TCFL5: variants seen among roughly 807,000 people sequenced by gnomAD.
TCFL5 encodes the protein transcription factor-like 5 protein.
TCFL5 carries 9 observed loss-of-function variants against 44.3 expected under a neutral mutation model. The observed-to-expected ratio is 0.20, with a 90% CI of 0.12 to 0.35. The LOEUF is 0.35. Ranked by LOEUF, TCFL5 falls within the 10% of genes least tolerant of loss-of-function variation. TCFL5 has a pLI of 1.00. For synonymous variants in TCFL5, 319 were observed against 271.6 expected, an observed-to-expected ratio of 1.17 and a Z score of -1.72; for missense variants, 603 against 613.4, an observed-to-expected ratio of 0.98 and a Z score of 0.18.
Position 62,857,577 on chromosome 20 carries a change from T to C in TCFL5, c.1056A>G (p.Thr352=). ...RNRSRMRQLD[T]NVERRALGEI... ...CTCCAAGGGCTCTTCGCTCTACATT[T>C]GTGTCCAACTGACGCATTCTACTCC... Residue 352 remains threonine (T), a synonymous_variant, in exon 4 of 6, where the codon ACA becomes ACG. Transcript: ENST00000335351. 1.9e-6 allele frequency: 3 copies of C among 1,614,250 alleles called. No individual in the cohort carries two copies. Among genetic ancestry groups the C allele is most frequent in the Non-Finnish European group, 1.7e-6 (2 of 1,180,044 alleles).
chr20:62,845,657 G>C, intron 5 of TCFL5: 1 of 1,605,612 alleles, frequency 6.2e-7, no homozygotes, highest in South Asian at 1.1e-5. Context: ...AGCAACCCCC[G>C]CTGACCATGG....
intron 5 of TCFL5, among the ~76,000 whole-genome samples, chr20:62,848,122 C>T (rs2063766720): frequency 6.6e-6 from 1 of 152,218 alleles, no homozygotes; most frequent in Non-Finnish European, 1.5e-5. Flanking sequence ...GAGTCTGCAG[C>T]AGGGCCTGAC....
At chr20:62,858,484 T>G (rs955280922) in intron 3 of TCFL5, among the ~76,000 whole-genome samples, 5 of 152,240 alleles carry the variant, frequency 3.3e-5, no homozygotes, top group Admixed American at 2.0e-4. Context: ...GCATAAAATT[T>G]TATAGGGAGG....
At chr20:62,854,959 A>C (rs531694903) in intron 4 of TCFL5, among the ~76,000 whole-genome samples, 5 of 152,300 alleles carry the variant, frequency 3.3e-5, no homozygotes, top group South Asian at 4.1e-4. Flanking sequence ...AACTCTAACC[A>C]CAAGTCTACG....
intron 5 of TCFL5, among the ~76,000 whole-genome samples, chr20:62,853,363 G>T (rs1348257021): frequency 6.6e-6 from 1 of 150,798 alleles, no homozygotes; most frequent in East Asian, 1.9e-4. Context: ...GTGGGTGGGG[G>T]TGGGGCAGGG....
intron 5 of TCFL5, among the ~76,000 whole-genome samples, chr20:62,848,515 A>C (rs4809423): frequency 0.21 from 32,518 of 152,006 alleles, 3,553 homozygotes; most frequent in Non-Finnish European, 0.24. Context: ...CCGAGGCGGG[A>C]GGATCACCTG....
chr20:62,861,184 C>A lies in TCFL5; in HGVS notation c.487G>T (p.Gly163Cys), dbSNP rs950676756. ...RADGAAKEGA[G>C]AAAAAAGPDG... is the part of the protein sequence containing the mutation. ...GGTCCAGCCGCAGCCGCAGCCGCGCCCGCGCCCTCCTTGGCGGCGCCGTCG... is the reference window on the plus strand; with the variant it reads ...GGTCCAGCCGCAGCCGCAGCCGCGCACGCGCCCTCCTTGGCGGCGCCGTCG... Residue 163 changes from glycine to cysteine, a missense_variant, in exon 1 of 6, where the codon GGC becomes TGC. Coordinates refer to ENST00000335351, the MANE Select transcript of TCFL5 (RefSeq NM_006602.4). The surrounding 1 kb of genome is among the most constrained non-coding windows in gnomAD (Gnocchi z 4.0). 6.2e-4 allele frequency: 637 copies of A among 1,033,104 alleles called. No individual in the cohort carries two copies. The highest frequency in any genetic ancestry group is 7.1e-4 in the Non-Finnish European group (619 of 865,990). The allele number at this position is 1,033,104 out of a possible 1,614,324, so 64.0% of individuals were successfully genotyped here.
At chr20:62,846,344 C>T (rs971316134) in intron 5 of TCFL5, among the ~76,000 whole-genome samples, 6 of 152,120 alleles carry the variant, frequency 3.9e-5, no homozygotes, top group Non-Finnish European at 4.4e-5. Context: ...CTTGCAGGGC[C>T]CGCCCACGAC....
intron 5 of TCFL5, among the ~76,000 whole-genome samples, chr20:62,849,735 G>A (rs1286305304): frequency 1.3e-5 from 2 of 152,206 alleles, no homozygotes; most frequent in Admixed American, 6.5e-5. Context: ...GAGGCAGGAG[G>A]ATCACTTGAG....
chr20:62,853,956 G>C (rs1253024927), intron 5 of TCFL5, 60 bp downstream of exon 5: 2 of 1,573,994 alleles, frequency 1.3e-6, no homozygotes, highest in African/African-American at 1.4e-5. Context: ...TAGGAAAAAG[G>C]AGGGACATTG....
intron 2 of TCFL5, 86 bp from the exon 3 acceptor site, chr20:62,859,612 A>AT: frequency 1.6e-6 from 2 of 1,262,138 alleles, no homozygotes; most frequent in Non-Finnish European, 2.2e-6. Flanking sequence ...CTTAACAAAC[A>AT]TCAAAACTAC....
intron 5 of TCFL5, among the ~76,000 whole-genome samples, chr20:62,843,751 C>G (rs566739199): frequency 1.3e-5 from 2 of 152,336 alleles, no homozygotes; most frequent in Non-Finnish European, 2.9e-5. Context: ...AACTCCACAC[C>G]GCTCCGGCCC....
At chr20:62,844,253 TTTTTGA>T (rs890351261) in intron 5 of TCFL5, among the ~76,000 whole-genome samples, 28 of 152,246 alleles carry the variant, frequency 1.8e-4, no homozygotes, top group African/African-American at 6.5e-4. Context: ...TTTGTTTTTG[TTTTTGA>T]ATAGCCATCC....
At chr20:62,854,322 G>A (rs947164341) in intron 4 of TCFL5, among the ~76,000 whole-genome samples, 165 bp from the exon 5 acceptor site, 6 of 152,228 alleles carry the variant, frequency 3.9e-5, no homozygotes, top group African/African-American at 1.4e-4. Context: ...CTTTGCCACG[G>A]CCTTGTCTAC....
intron 5 of TCFL5, among the ~76,000 whole-genome samples, chr20:62,853,464 G>A (rs1343981190): frequency 6.6e-6 from 1 of 151,788 alleles, no homozygotes; most frequent in East Asian, 1.9e-4. Flanking sequence ...CTCCCTCCCA[G>A]CCCCCGCCCC....
At chr20:62,852,068 G>A (rs2063817362) in intron 5 of TCFL5, 1 of 985,082 alleles carries the variant, frequency 1.0e-6, no homozygotes, top group Non-Finnish European at 1.2e-6. Flanking sequence ...GGCCTCCCAA[G>A]TGCTGGGATC....
chr20:62,852,137 T>C (rs866448547), intron 5 of TCFL5: 1 of 985,326 alleles, frequency 1.0e-6, no homozygotes, highest in African/African-American at 1.7e-5. Flanking sequence ...TCCTTGTTTG[T>C]TGCAGCAACC....
intron 3 of TCFL5, among the ~76,000 whole-genome samples, chr20:62,858,870 A>G (rs112342278): frequency 6.7e-6 from 1 of 149,332 alleles, no homozygotes; most frequent in Admixed American, 6.7e-5. Flanking sequence ...GGAGGAAGGG[A>G]CTATGCAGGT....
intron 4 of TCFL5, 79 bp downstream of exon 4, chr20:62,857,316 G>GGATC: frequency 6.4e-7 from 1 of 1,557,760 alleles, no homozygotes; most frequent in East Asian, 2.3e-5. Flanking sequence ...AAACGGCTAA[G>GGATC]GATCACTCAT....
Sources: allele counts gnomAD v4.1 joint callset (sites outside exome capture counted in the v4.1 genomes callset), GRCh38; gene constraint gnomAD v4.1.1; non-coding constraint Gnocchi (gnomAD v3.1); transcripts MANE v1.5; gene names NCBI Gene and HGNC (gene_info 2026-07-23, HGNC 2026-07-21).